Variants in RBFOX1 observed in about 807,000 individuals in gnomAD.
RBFOX1 encodes the protein RNA binding fox-1 homolog 1, also known as RNA binding protein fox-1 homolog 1.
Under a neutral mutation model 57.7 loss-of-function variants are expected in RBFOX1, and 8 were observed. The ratio of observed to expected loss-of-function variants is 0.14; its 90% CI spans 0.08 to 0.25. The LOEUF (loss-of-function observed/expected upper bound fraction) is 0.25, where lower values mean the gene tolerates loss of function less well. Ranked by LOEUF, RBFOX1 falls within the 10% of genes least tolerant of loss-of-function variation. The pLI is 1.00. For missense variants in RBFOX1, 611 were observed against 548.5 expected (o/e 1.11, Z -1.14); for synonymous variants, 326 against 222.4 (o/e 1.47, Z -4.15).
chr16:6,345,638 G>A (rs2152835214), intron 2 of RBFOX1, among the ~76,000 whole-genome samples: 1 of 152,294 alleles, frequency 6.6e-6, no homozygotes, highest in Non-Finnish European at 1.5e-5. Context: ...TCCTAGGTGT[G>A]AGGATGTGTT....
chr16:5,571,558 A>G (rs1000283515), intron 2 of RBFOX1, among the ~76,000 whole-genome samples: 1 of 152,302 alleles, frequency 6.6e-6, no homozygotes, highest in Non-Finnish European at 1.5e-5. Context: ...CAAACTGTTT[A>G]TCATGAACTC....
chr16:5,589,459 A>G (rs2046936598), intron 2 of RBFOX1, among the ~76,000 whole-genome samples: 1 of 152,180 alleles, frequency 6.6e-6, no homozygotes, highest in Non-Finnish European at 1.5e-5. Context: ...ACATAACATT[A>G]TTATGTCCAT....
intron 3 of RBFOX1, chr16:6,723,803 G>T (rs557038389): frequency 6.6e-6 from 1 of 152,090 alleles, no homozygotes; most frequent in Admixed American, 6.6e-5. Flanking sequence ...GAGTCTTCCA[G>T]CTACGTACTC....
intron 4 of RBFOX1, among the ~76,000 whole-genome samples, chr16:5,999,393 C>G (rs927329586): frequency 1.3e-5 from 2 of 152,254 alleles, no homozygotes; most frequent in Non-Finnish European, 2.9e-5. Context: ...ACTCTTCCCC[C>G]ATTGAAACCT....
intron 3 of RBFOX1, among the ~76,000 whole-genome samples, chr16:5,725,431 A>C (rs773389120): frequency 6.6e-6 from 1 of 151,412 alleles, no homozygotes; most frequent in African/African-American, 2.4e-5. Flanking sequence ...TATTATTATT[A>C]TTTTTATTTT....
At position 5,725,728 on chromosome 16, in the gene RBFOX1, T is replaced by C. The variant is rs185086023; in HGVS notation, c.318+126767T>C. The stretch of plus-strand genomic sequence containing the variant: ...TGGGGGAAATCCACTGGGACATCTT[T>C]TTGCTGCCATTCCTGCCTCCACGGA... On this transcript the variant is annotated intron_variant, in intron 3 of 19. Transcript: ENST00000641259. 1.3e-3 allele frequency among the ~76,000 whole-genome samples: 201 copies of C among 151,972 alleles called. 1 individual carries two copies. The highest frequency in any genetic ancestry group is 4.5e-3 in the African/African-American group (185 of 41,480).
At chr16:7,678,855 A>T (rs2074047228) in intron 14 of RBFOX1, among the ~76,000 whole-genome samples, 1 of 152,192 alleles carries the variant, frequency 6.6e-6, no homozygotes, top group African/African-American at 2.4e-5. Flanking sequence ...CCACTGAAAG[A>T]TTGCCCTTGT....
intron 4 of RBFOX1, among the ~76,000 whole-genome samples, chr16:5,919,892 T>C (rs1387437964): frequency 6.6e-6 from 1 of 152,228 alleles, no homozygotes; most frequent in Non-Finnish European, 1.5e-5. Flanking sequence ...GCCTTTTTTT[T>C]CACTGAGCAT....
intron 1 of RBFOX1, among the ~76,000 whole-genome samples, chr16:6,078,136 CA>C (rs2152500572): frequency 6.6e-6 from 1 of 152,290 alleles, no homozygotes; most frequent in African/African-American, 2.4e-5. Context: ...TGTCCTTTCT[CA>C]GTCCCACCAC....
At chr16:6,285,073 C>T (rs956237554) in intron 1 of RBFOX1, among the ~76,000 whole-genome samples, 4 of 151,868 alleles carry the variant, frequency 2.6e-5, no homozygotes, top group East Asian at 1.9e-4. Flanking sequence ...TTGATTTCTT[C>T]GTTGTTGTTT....
intron 3 of RBFOX1, among the ~76,000 whole-genome samples, chr16:6,736,008 C>G (rs1456271596): frequency 1.4e-5 from 1 of 73,536 alleles, no homozygotes; most frequent in East Asian, 4.0e-4. Flanking sequence ...TTAACTTCTT[C>G]TTTTTGAAAG....
At chr16:6,670,319 C>T (rs1011338608) in intron 3 of RBFOX1, among the ~76,000 whole-genome samples, 2 of 152,126 alleles carry the variant, frequency 1.3e-5, no homozygotes, top group African/African-American at 4.8e-5. Context: ...GTCCTTCCAT[C>T]TTGGTCTCCC....
At chr16:6,099,845 C>T (rs560914813) in intron 1 of RBFOX1, among the ~76,000 whole-genome samples, 1 of 152,298 alleles carries the variant, frequency 6.6e-6, no homozygotes, top group African/African-American at 2.4e-5. Flanking sequence ...TTTAAGAGAA[C>T]ATGAATAACA....
chr16:5,641,603 C>A (rs2048878226), intron 3 of RBFOX1, among the ~76,000 whole-genome samples: 1 of 152,166 alleles, frequency 6.6e-6, no homozygotes, highest in Admixed American at 6.5e-5. Context: ...GAATGGCACC[C>A]CTTTTGGGTG....
intron 2 of RBFOX1, among the ~76,000 whole-genome samples, chr16:6,438,555 T>C (rs78772156): frequency 0.051 from 7,759 of 152,270 alleles, 690 homozygotes; most frequent in African/African-American, 0.18. Context: ...TTAATCACTT[T>C]TACTGTTTTT....
At chr16:7,082,468 G>C (rs1021119036) in intron 4 of RBFOX1, among the ~76,000 whole-genome samples, 11 of 151,804 alleles carry the variant, frequency 7.2e-5, no homozygotes, top group African/African-American at 2.4e-4. Flanking sequence ...TGTGGTCCCA[G>C]CTACTTGGGA....
At chr16:7,018,336 G>A (rs1300107562) in intron 3 of RBFOX1, among the ~76,000 whole-genome samples, 1 of 152,148 alleles carries the variant, frequency 6.6e-6, no homozygotes, top group African/African-American at 2.4e-5. Flanking sequence ...ACCTCCGGGA[G>A]TTGTTTCAGG....
intron 3 of RBFOX1, among the ~76,000 whole-genome samples, chr16:6,838,712 T>C (rs1329693359): frequency 6.6e-6 from 1 of 152,116 alleles, no homozygotes; most frequent in African/African-American, 2.4e-5. Flanking sequence ...TCTGGGGGCT[T>C]GCCCGTCCTG....
chr16:6,980,021 T>C (rs956703934), intron 3 of RBFOX1, among the ~76,000 whole-genome samples: 3 of 151,486 alleles, frequency 2.0e-5, no homozygotes, highest in Admixed American at 6.6e-5. Flanking sequence ...AATGGTGTCA[T>C]TATAGTGTTA....
Sources: allele counts gnomAD v4.1 joint callset (sites outside exome capture counted in the v4.1 genomes callset), GRCh38; gene constraint gnomAD v4.1.1; transcripts MANE v1.5; gene names NCBI Gene and HGNC (gene_info 2026-07-23, HGNC 2026-07-21).